Variants in SAMD3 observed in about 807,000 individuals in gnomAD.
The protein encoded by SAMD3 is sterile alpha motif domain containing 3.
In SAMD3, 63 loss-of-function variants were observed where a neutral mutation model predicts 58.5. The observed-to-expected ratio is 1.08, with a 90% CI of 0.88 to 1.33. The LOEUF (loss-of-function observed/expected upper bound fraction) is 1.33, where lower values mean the gene tolerates loss of function less well. Among genes scored for constraint, SAMD3 ranks in the 40% most tolerant of loss-of-function variants. The probability of loss-of-function intolerance (pLI) is 0.00; values close to 1 mark genes in which losing one functional copy is unlikely to be tolerated. For missense variants in SAMD3, 604 were observed against 608.4 expected (o/e 0.99, Z 0.08); for synonymous variants, 220 against 210.3 (o/e 1.05, Z -0.40).
At chr6:130,241,427 G>A (rs964425462) in intron 2 of SAMD3, among the ~76,000 whole-genome samples, 5 of 151,954 alleles carry the variant, frequency 3.3e-5, no homozygotes, top group African/African-American at 1.2e-4. Flanking sequence ...TGTTGGCCAG[G>A]CTGGTCTTGA....
intron 2 of SAMD3, among the ~76,000 whole-genome samples, chr6:130,274,409 G>C (rs1041694199): frequency 6.6e-6 from 1 of 152,096 alleles, no homozygotes; most frequent in African/African-American, 2.4e-5. Context: ...GAAAATCCCA[G>C]GCTCTGTTCT....
At chr6:130,152,095 G>A (rs1789248172) in intron 9 of SAMD3, among the ~76,000 whole-genome samples, 2 of 152,092 alleles carry the variant, frequency 1.3e-5, no homozygotes, top group Non-Finnish European at 2.9e-5. Flanking sequence ...AGTGTTAACA[G>A]CCAGGACCAC....
At chr6:130,354,069 A>G (rs1000590365) in intron 1 of SAMD3, among the ~76,000 whole-genome samples, 2 of 152,224 alleles carry the variant, frequency 1.3e-5, no homozygotes, top group African/African-American at 4.8e-5. Context: ...AGCATATGAA[A>G]ACAAGCTCAA....
Position 130,184,178 on chromosome 6 carries a change from G to A in SAMD3, c.579C>T (p.Ser193=), listed in dbSNP as rs1203808866. 2 of 1,609,440 alleles carry A rather than the reference G, an allele frequency of 1.2e-6. No individual in the cohort carries two copies. Among genetic ancestry groups the A allele is most frequent in the African/African-American group, 2.7e-5 (2 of 74,804 alleles). The change falls in exon 7 of 12, where the codon AGC becomes AGT. Residue 193 remains serine, a synonymous_variant. Coordinates refer to ENST00000439090, the MANE Select transcript of SAMD3 (RefSeq NM_001017373.4). ...TKYLEGSLYP[S]TQQYNDVVNA... ...TAACCACGTCATTGTACTGCTGGGT[G>A]CTGGGGTACCTGTTCACCAAAACAA...
chr6:130,289,158 T>C (rs1003583002), intron 2 of SAMD3, among the ~76,000 whole-genome samples: 2 of 152,218 alleles, frequency 1.3e-5, no homozygotes, highest in African/African-American at 2.4e-5. Flanking sequence ...TTGTTGAGGC[T>C]ACTTTAAATG....
chr6:130,329,126 T>C (rs1212141529), intron 1 of SAMD3, among the ~76,000 whole-genome samples: 1 of 152,104 alleles, frequency 6.6e-6, no homozygotes, highest in African/African-American at 2.4e-5. Context: ...GCCTTGGTCA[T>C]TGTTAATCCG....
downstream of SAMD3, among the ~76,000 whole-genome samples, chr6:130,143,390 C>T (rs149559414): frequency 7.2e-5 from 11 of 152,232 alleles, no homozygotes; most frequent in Admixed American, 2.6e-4. Flanking sequence ...GGACTACAGG[C>T]ATGTGCTACC....
chr6:130,311,729 A>T (rs1168636610), intron 2 of SAMD3, among the ~76,000 whole-genome samples: 1 of 148,042 alleles, frequency 6.8e-6, no homozygotes, highest in African/African-American at 2.5e-5. Context: ...GATGACAGCC[A>T]TGTTGAGGAG....
intron 5 of SAMD3, among the ~76,000 whole-genome samples, chr6:130,204,463 A>T (rs7761108): frequency 0.92 from 139,452 of 151,926 alleles, 64,170 homozygotes; most frequent in East Asian, 1. Context: ...AAAAATTAGC[A>T]GTGTGTGGCA....
intron 8 of SAMD3, among the ~76,000 whole-genome samples, chr6:130,157,072 AAAATAAATAAAT>A (rs140922244): frequency 0.068 from 9,698 of 143,426 alleles, 571 homozygotes; most frequent in African/African-American, 0.15. Context: ...TCCGTCTCAA[AAAATAAATAAAT>A]AAATAAATAA....
chr6:130,206,302 G>A (rs968714816), intron 5 of SAMD3, among the ~76,000 whole-genome samples: 4 of 152,152 alleles, frequency 2.6e-5, no homozygotes, highest in African/African-American at 7.2e-5. Context: ...CAAGGCAGTC[G>A]TATGCCAGGT....
chr6:130,208,087 C>T (rs1049034948), intron 5 of SAMD3, among the ~76,000 whole-genome samples: 15 of 152,212 alleles, frequency 9.9e-5, no homozygotes, highest in African/African-American at 3.4e-4. Flanking sequence ...CTCTAAATCT[C>T]GGTTGTACTC....
intron 5 of SAMD3, among the ~76,000 whole-genome samples, chr6:130,193,989 C>T (rs1793829197): frequency 1.3e-5 from 2 of 152,200 alleles, no homozygotes; most frequent in Non-Finnish European, 2.9e-5. Flanking sequence ...ACCCATCTGA[C>T]CTCTCCCCTC....
intron 1 of SAMD3, among the ~76,000 whole-genome samples, chr6:130,345,893 C>A (rs1777435143): frequency 6.6e-6 from 1 of 152,112 alleles, no homozygotes. Flanking sequence ...GTGCCTGTTC[C>A]CAAATTAACT....
chr6:130,292,714 G>A (rs1190048359), intron 2 of SAMD3, among the ~76,000 whole-genome samples: 1 of 151,788 alleles, frequency 6.6e-6, no homozygotes, highest in East Asian at 1.9e-4. Context: ...CACCTCCCAG[G>A]TTCACACCAT....
intron 2 of SAMD3, among the ~76,000 whole-genome samples, chr6:130,273,459 G>C (rs1774645737): frequency 6.6e-6 from 1 of 152,070 alleles, no homozygotes; most frequent in Non-Finnish European, 1.5e-5. Context: ...ATCACTCTAT[G>C]TCTTTTGATT....
intron 2 of SAMD3, among the ~76,000 whole-genome samples, chr6:130,246,753 A>T (rs1224371500): frequency 6.6e-6 from 1 of 152,006 alleles, no homozygotes; most frequent in Admixed American, 6.5e-5. Context: ...GCCGGGCATG[A>T]TGGTGGGTGC....
chr6:130,213,326 A>T (rs575508691), intron 4 of SAMD3, among the ~76,000 whole-genome samples: 35 of 148,522 alleles, frequency 2.4e-4, no homozygotes, highest in Admixed American at 3.3e-4. Context: ...TTTTTTTTTT[A>T]AAAAAAATCA....
chr6:130,333,274 GT>G (rs1310031088), intron 1 of SAMD3, among the ~76,000 whole-genome samples: 7 of 152,186 alleles, frequency 4.6e-5, no homozygotes, highest in Non-Finnish European at 8.8e-5. Flanking sequence ...TGTTGTGCAT[GT>G]GTAAGTTATG....
Sources: gnomAD v4.1 joint callset for allele counts (sites outside exome capture counted in the v4.1 genomes callset) on GRCh38, gnomAD v4.1.1 for gene constraint, MANE v1.5 for transcripts, NCBI Gene and HGNC (gene_info 2026-07-23, HGNC 2026-07-21) for gene names.